Variants in CREB3L3 observed in about 807,000 individuals in gnomAD.
The protein encoded by CREB3L3 is cyclic AMP-responsive element-binding protein 3-like protein 3.
A neutral mutation model predicts 44.6 loss-of-function variants in CREB3L3; 40 were observed. The observed-to-expected ratio is 0.90, with a 90% CI of 0.70 to 1.17. CREB3L3 has a LOEUF of 1.17. Ranked by LOEUF, CREB3L3 falls within the 50% of genes most tolerant of loss-of-function variation. The pLI is 0.00. For missense variants in CREB3L3, 578 were observed against 595.8 expected, an observed-to-expected ratio of 0.97 and a Z score of 0.31; for synonymous variants, 273 against 256.3, an observed-to-expected ratio of 1.06 and a Z score of -0.62.
chr19:4,163,017 T>C (rs1007342250), intron 4 of CREB3L3, among the ~76,000 whole-genome samples: 9 of 151,382 alleles, frequency 5.9e-5, no homozygotes, highest in African/African-American at 2.2e-4. Flanking sequence ...AGAAGAAAGC[T>C]GTCAAAAGGG....
chr19:4,154,273 T>C (rs1422468337), intron 1 of CREB3L3, among the ~76,000 whole-genome samples: 3 of 152,136 alleles, frequency 2.0e-5, no homozygotes, highest in South Asian at 2.1e-4. Flanking sequence ...GGTTTCACCA[T>C]GTTGGCTAGG....
In CREB3L3 at chr19:4,170,224, G is replaced by T. The variant is rs749874222; in HGVS notation, c.890+16G>T. 4 of 1,613,762 alleles carry T rather than the reference G, an allele frequency of 2.5e-6. No individual in the cohort carries two copies. Among genetic ancestry groups the T allele is most frequent in the Admixed American group, 1.7e-5 (1 of 59,996 alleles). ...AGCAAAACCTGTGAGTCTGGGTCCA[G>T]CTGGGGCAGAGGACAGGGGAAGCAG... On this transcript the variant is annotated intron_variant, in intron 7 of 9. Coordinates refer to ENST00000078445, the MANE Select transcript of CREB3L3 (RefSeq NM_032607.3).
chr19:4,160,459 A>C (rs2041644321), intron 4 of CREB3L3, among the ~76,000 whole-genome samples: 1 of 145,908 alleles, frequency 6.9e-6, no homozygotes, highest in African/African-American at 2.5e-5. Flanking sequence ...GCAGCCTCAA[A>C]CTCCTGGCCT....
In CREB3L3 at chr19:4,170,182, A is replaced by G. The variant is rs751113018; in HGVS notation, c.864A>G (p.Lys288=). The G allele has an allele frequency of 6.2e-7, 1 of 1,614,120 alleles. No homozygotes were observed. The highest frequency in any genetic ancestry group is 8.5e-7 in the Non-Finnish European group (1 of 1,179,990). The change falls in exon 7 of 10, where the codon AAA becomes AAG. Residue 288 remains lysine, a synonymous_variant. Coordinates refer to ENST00000078445, the MANE Select transcript of CREB3L3 (RefSeq NM_032607.3). ...CTCAGAATCAGGAGTTACAGAGGAA[A>G]GTCTTGCATCTCGAGAAGCAAAACC... The part of the protein sequence containing the change: ...CTAQNQELQR[K]VLHLEKQNLS...
intron 3 of CREB3L3, 80 bp from the exon 4 acceptor site, chr19:4,159,584 G>A: frequency 1.3e-6 from 1 of 783,726 alleles, no homozygotes; most frequent in Non-Finnish European, 2.4e-6. Context: ...ACTTGGTGGA[G>A]GAGGCGGTTA....
chr19:4,166,576 C>A (rs1233644913), intron 5 of CREB3L3, among the ~76,000 whole-genome samples: 3 of 148,368 alleles, frequency 2.0e-5, no homozygotes, highest in African/African-American at 7.5e-5. Flanking sequence ...TTTTTTTTTC[C>A]TTAGAGACAG....
At position 4,171,627 on chromosome 19, in the gene CREB3L3, C is replaced by T. The variant is rs1412974716; in HGVS notation, c.1073-29C>T. The T allele has an allele frequency of 6.2e-7, 1 of 1,611,992 alleles. No individual in the cohort carries two copies. Among genetic ancestry groups the T allele is most frequent in the Non-Finnish European group, 8.5e-7 (1 of 1,178,598 alleles). On this transcript the variant is annotated intron_variant, in intron 9 of 9. Transcript: ENST00000078445. The surrounding 1 kb of genome is among the most constrained non-coding windows in gnomAD (Gnocchi z 4.9). The stretch of plus-strand genomic sequence containing the variant: ...GCATAGGACCCCACCTCCACCTTGT[C>T]CCCTGTGATGCCCCCCTTCCCCAAT...
At chr19:4,162,169 C>T (rs1308792942) in intron 4 of CREB3L3, among the ~76,000 whole-genome samples, 6 of 152,124 alleles carry the variant, frequency 3.9e-5, no homozygotes, top group Admixed American at 1.3e-4. Context: ...CCATGCCCGA[C>T]TAATTTTTGT....
chr19:4,166,749 C>T (rs971228714), intron 5 of CREB3L3, among the ~76,000 whole-genome samples: 5 of 149,948 alleles, frequency 3.3e-5, no homozygotes, highest in Admixed American at 2.0e-4. Flanking sequence ...CTCACTTTGT[C>T]GCTCAGGCTG....
chr19:4,167,720 C>G (rs533189060), intron 5 of CREB3L3, among the ~76,000 whole-genome samples: 48 of 152,142 alleles, frequency 3.2e-4, no homozygotes, highest in African/African-American at 1.0e-3. Context: ...GGGCAGTTGC[C>G]CATTTTACAG....
Position 4,172,281 on chromosome 19 carries a change from C to A in CREB3L3, c.*312C>A. ...CAGACAGACACAGCCTGAAACAGAC[C>A]CGGACAGACAGACACAGCCTGAAAC... On this transcript the variant is annotated 3_prime_UTR_variant, in exon 10 of 10. Transcript: ENST00000078445. The A allele has an allele frequency of 3.8e-6, 2 of 519,770 alleles. No individual in the cohort carries two copies. Among genetic ancestry groups the A allele is most frequent in the South Asian group, 2.2e-5 (1 of 45,122 alleles). The allele number at this position is 519,770 out of a possible 1,614,324, so 32.2% of individuals were successfully genotyped here.
intron 4 of CREB3L3, among the ~76,000 whole-genome samples, chr19:4,160,511 A>G (rs1474751177): frequency 2.0e-5 from 3 of 151,148 alleles, no homozygotes; most frequent in Non-Finnish European, 3.0e-5. Flanking sequence ...AGCTGGGACT[A>G]CAGGCGTGCA....
rs182504178 is a variant in CREB3L3, at chr19:4,167,799, A to C, written c.715-552A>C. On this transcript the variant is annotated intron_variant, in intron 5 of 9. Coordinates refer to ENST00000078445, the MANE Select transcript of CREB3L3 (RefSeq NM_032607.3). ...AGAGACTCTGTGAGGGTTTGGGCAA[A>C]GGGTAGCTTCAAGTCATTAGGAATC... is the stretch of plus-strand genomic sequence containing the variant. Among the ~76,000 whole-genome samples the C allele has an allele frequency of 8.2e-4, 124 of 151,842 alleles. 1 individual carries two copies. Among genetic ancestry groups the C allele is most frequent in the African/African-American group, 2.8e-3 (117 of 41,428 alleles).
chr19:4,171,054 C>A lies in CREB3L3; in HGVS notation c.891-37C>A. 1 of 1,560,380 alleles carries A rather than the reference C, an allele frequency of 6.4e-7. No homozygotes were observed. The highest frequency in any genetic ancestry group is 8.8e-7 in the Non-Finnish European group (1 of 1,131,038). On this transcript the variant is annotated intron_variant, in intron 7 of 9. Transcript: ENST00000078445. This position sits in a 1 kb window ranked among gnomAD's most constrained non-coding sequence, Gnocchi z 4.9. ...ATGGACGAGAAGCAGAACCGAGGCC[C>A]TTTAGGGCTCAGCGGAGGCCTGCCT...
intron 4 of CREB3L3, among the ~76,000 whole-genome samples, chr19:4,161,192 G>T (rs755540793): frequency 2.6e-5 from 4 of 152,122 alleles, no homozygotes; most frequent in African/African-American, 9.7e-5. Flanking sequence ...TCGATCTCCT[G>T]ACCTCGTGAT....
At position 4,157,257 on chromosome 19, in the gene CREB3L3, T is replaced by C. The variant is rs1318265523; in HGVS notation, c.419T>C (p.Val140Ala). ...TGCTCCACCACAACCCCAGGGCCAG[T>C]GATCCAAGTACCTGAAGCCTCTGTG... ...NSCSTTTPGPVIQVPEASVTI... is the reference protein window; with the variant it reads ...NSCSTTTPGPAIQVPEASVTI... Residue 140 changes from valine (V) to alanine (A), a missense_variant, in exon 3 of 10, where the codon GTG (valine) becomes GCG (alanine). Coordinates refer to ENST00000078445, the MANE Select transcript of CREB3L3 (RefSeq NM_032607.3). 1 of 1,614,036 alleles carries C rather than the reference T, an allele frequency of 6.2e-7. No homozygotes were observed. The highest frequency in any genetic ancestry group is 1.1e-5 in the South Asian group (1 of 91,090).
rs746256256 is a variant in CREB3L3, at chr19:4,153,824, C to T, written c.27+50C>T. On this transcript the variant is annotated intron_variant, in intron 1 of 9. Coordinates refer to ENST00000078445, the MANE Select transcript of CREB3L3 (RefSeq NM_032607.3). Reference sequence around the variant, plus strand: ...AGAGCGGGAGTCTAGGCTGGGAAAGCCTACCCAAGCTGCCAGAGCTGGAAG... The same window carrying T: ...AGAGCGGGAGTCTAGGCTGGGAAAGTCTACCCAAGCTGCCAGAGCTGGAAG... 3.1e-6 allele frequency: 5 copies of T among 1,605,370 alleles called. No homozygotes were observed. The South Asian group carries it at 5.5e-5, about 18-fold the overall frequency.
chr19:4,171,366 G>A lies in CREB3L3; in HGVS notation c.976-17G>A. 1 of 1,612,154 alleles carries A rather than the reference G, an allele frequency of 6.2e-7. No homozygotes were observed. Among genetic ancestry groups the A allele is most frequent in the Non-Finnish European group, 8.5e-7 (1 of 1,178,240 alleles). On this transcript the variant is annotated splice_polypyrimidine_tract_variant and intron_variant, in intron 8 of 9. Coordinates refer to ENST00000078445, the MANE Select transcript of CREB3L3 (RefSeq NM_032607.3). This position sits in a 1 kb window ranked among gnomAD's most constrained non-coding sequence, Gnocchi z 4.9. The stretch of plus-strand genomic sequence containing the variant: ...GGGAGGGGAGGGAGGGGGTGACTCT[G>A]CCGCTGTCTCCACCAGGTCCTGTTG...
chr19:4,160,507 G>T (rs1242032977), intron 4 of CREB3L3, among the ~76,000 whole-genome samples: 1 of 150,938 alleles, frequency 6.6e-6, no homozygotes, highest in Non-Finnish European at 1.5e-5. Flanking sequence ...AAGTAGCTGG[G>T]ACTACAGGCG....
Sources: allele counts gnomAD v4.1 joint callset (sites outside exome capture counted in the v4.1 genomes callset), GRCh38; gene constraint gnomAD v4.1.1; non-coding constraint Gnocchi (gnomAD v3.1); transcripts MANE v1.5; gene names NCBI Gene and HGNC (gene_info 2026-07-23, HGNC 2026-07-21).